The following FAM131B variants were observed in gnomAD, a reference collection of about 807,000 sequenced individuals.
The protein encoded by FAM131B is protein FAM131B.
In FAM131B, 19 loss-of-function variants were observed where a neutral mutation model predicts 42.0. That is an observed-to-expected ratio of 0.45 (90% CI 0.32 to 0.66). The LOEUF is 0.66. Ranked by LOEUF, FAM131B falls within the 30% of genes least tolerant of loss-of-function variation. FAM131B has a pLI of 0.05. For missense variants in FAM131B, 370 were observed against 468.4 expected, an observed-to-expected ratio of 0.79 and a Z score of 1.94; for synonymous variants, 183 against 177.6, an observed-to-expected ratio of 1.03 and a Z score of -0.24.
At chr7:143,363,225 T>A (rs1434410554), upstream of FAM131B, among the ~76,000 whole-genome samples, 1 of 152,190 alleles carries the variant, frequency 6.6e-6, no homozygotes, top group Non-Finnish European at 1.5e-5. Context: ...CTCTGTTGTT[T>A]CGAGTGCGCT....
Position 143,354,578 on chromosome 7 carries a change from G to C in FAM131B, c.*1972C>G, listed in dbSNP as rs763388628. ...GGAGACGGGTGGGGAATAGCTGCCA[G>C]GGCGGGCATGCTAGACCACCTCTCA... On this transcript the variant is annotated 3_prime_UTR_variant, in exon 7 of 7. Coordinates refer to ENST00000443739, the MANE Select transcript of FAM131B (RefSeq NM_001031690.3). 1 of 152,214 alleles carries C rather than the reference G, an allele frequency of 6.6e-6. No homozygotes were observed. Among genetic ancestry groups the C allele is most frequent in the Non-Finnish European group, 1.5e-5 (1 of 68,072 alleles). The allele number at this position is 152,214 out of a possible 1,614,324, so 9.4% of individuals were successfully genotyped here. A position where few individuals can be genotyped will look rare whatever the true frequency, so the allele number is the denominator to read the frequency against.
At chr7:143,381,455 G>A in the FAM131B span, 1 of 1,298,268 alleles carries the variant, frequency 7.7e-7, no homozygotes, top group East Asian at 3.2e-5. Flanking sequence ...GAGGGGGCGC[G>A]GGGCGCCGGG....
At chr7:143,375,067 C>T in the FAM131B span, among the ~76,000 whole-genome samples, 1 of 152,222 alleles carries the variant, frequency 6.6e-6, no homozygotes, top group Non-Finnish European at 1.5e-5. Context: ...GTCCCCAGCA[C>T]CTAACAAACT....
At chr7:143,381,638 CAGA>C in the FAM131B span, 18 of 1,612,408 alleles carry the variant, frequency 1.1e-5, no homozygotes, top group East Asian at 1.6e-4. Context: ...TTACGCCCCG[CAGA>C]AGAAGTTCGG....
upstream of FAM131B, among the ~76,000 whole-genome samples, chr7:143,366,538 T>A (rs1804184531): frequency 6.6e-6 from 1 of 151,348 alleles, no homozygotes; most frequent in Admixed American, 6.6e-5. Context: ...ATCACGAGGG[T>A]CAGTAACAAA....
chr7:143,380,958 A>T, the FAM131B span: 1 of 316,158 alleles, frequency 3.2e-6, no homozygotes, highest in Non-Finnish European at 4.6e-6. This position sits in a 1 kb window ranked among gnomAD's most constrained non-coding sequence, Gnocchi z 5.0. Context: ...CACCCGCCCC[A>T]CCTCCGCCGG....
In FAM131B at chr7:143,359,475, TA is replaced by T. The variant is rs762609422; in HGVS notation, c.175-57del. 1 of 1,363,460 alleles carries T rather than the reference TA, an allele frequency of 7.3e-7. No homozygotes were observed. The highest frequency in any genetic ancestry group is 1.0e-6 in the Non-Finnish European group (1 of 959,564). 84.5% of individuals were successfully genotyped at this position (1,363,460 alleles called of 1,614,324 possible). On this transcript the variant is annotated intron_variant, in intron 3 of 6. Coordinates refer to ENST00000443739, the MANE Select transcript of FAM131B (RefSeq NM_001031690.3). This position sits in a 1 kb window ranked among gnomAD's most constrained non-coding sequence, Gnocchi z 5.4. ...GGAATAAGAAGGTACGGGCGTGCTT[TA>T]TACATGGAGGAGGTTCATGGTTTCC...
At position 143,362,287 on chromosome 7, in the gene FAM131B, G is replaced by C. The variant is rs931688050; in HGVS notation, c.28+289C>G. On this transcript the variant is annotated intron_variant, in intron 1 of 6. Transcript: ENST00000443739. This position sits in a 1 kb window ranked among gnomAD's most constrained non-coding sequence, Gnocchi z 7.7. The stretch of plus-strand genomic sequence containing the variant: ...GAGGGGACCGAGCGTCGGGCCGAGA[G>C]GCAGAGGAGAGGAGGGCGATGGAGA... Among the ~76,000 whole-genome samples the C allele has an allele frequency of 2.6e-5, 4 of 152,152 alleles. No individual in the cohort carries two copies. Among genetic ancestry groups the C allele is most frequent in the Non-Finnish European group, 5.9e-5 (4 of 68,026 alleles).
In FAM131B at chr7:143,356,469, G is replaced by A; in HGVS notation, c.*81C>T. 1.9e-6 allele frequency: 2 copies of A among 1,060,704 alleles called. No individual in the cohort carries two copies. The highest frequency in any genetic ancestry group is 1.4e-5 in the South Asian group (1 of 71,258). The allele number at this position is 1,060,704 out of a possible 1,614,324, so 65.7% of individuals were successfully genotyped here. ...CAATGTTGTCTGCCCAGTTTCAGCT[G>A]TACTGCTGGGGGGAGGGAGGGTATG... On this transcript the variant is annotated 3_prime_UTR_variant, in exon 7 of 7. Coordinates refer to ENST00000443739, the MANE Select transcript of FAM131B (RefSeq NM_001031690.3). This position sits in a 1 kb window ranked among gnomAD's most constrained non-coding sequence, Gnocchi z 4.4.
rs1338221040 is a variant in FAM131B at position 143,360,434 on chromosome 7, C to T, written c.29-285G>A. The T allele has an allele frequency of 9.5e-6, 12 of 1,265,912 alleles. No individual in the cohort carries two copies. In the East Asian group the frequency reaches 1.2e-4, roughly 13 times the overall value. 78.4% of individuals were successfully genotyped at this position (1,265,912 alleles called of 1,614,324 possible). A position where few individuals can be genotyped will look rare whatever the true frequency, so the allele number is the denominator to read the frequency against. The stretch of plus-strand genomic sequence containing the variant: ...GGTTTTATCAGAAAACCAATTATTC[C>T]GTCCTGAGGACTCTTGGAGGGTTTC... On this transcript the variant is annotated intron_variant, in intron 1 of 6. Transcript: ENST00000443739.
At chr7:143,381,769 GC>G in the FAM131B span, 1 of 1,574,778 alleles carries the variant, frequency 6.4e-7, no homozygotes, top group Non-Finnish European at 8.6e-7. Context: ...TTCCCCCGCC[GC>G]CCCCGGAAGG....
At chr7:143,364,211 T>C (rs1326945596), upstream of FAM131B, 1 of 151,172 alleles carries the variant, frequency 6.6e-6, no homozygotes, top group South Asian at 2.1e-4. Context: ...ATTGGTTATA[T>C]AAAAGAAGTA....
At chr7:143,379,519 A>T in the FAM131B span, among the ~76,000 whole-genome samples, 32 of 152,340 alleles carry the variant, frequency 2.1e-4, no homozygotes, top group East Asian at 6.0e-3. Context: ...ATAATTAAAG[A>T]CTTAATAAGG....
At chr7:143,380,119 G>A in the FAM131B span, 2 of 985,304 alleles carry the variant, frequency 2.0e-6, no homozygotes, top group Non-Finnish European at 1.2e-6. This position sits in a 1 kb window ranked among gnomAD's most constrained non-coding sequence, Gnocchi z 5.0. Flanking sequence ...GCTGACAAGA[G>A]GAGAGAAAAT....
the FAM131B span, among the ~76,000 whole-genome samples, chr7:143,376,168 G>A: frequency 2.0e-5 from 3 of 152,142 alleles, no homozygotes; most frequent in Admixed American, 2.0e-4. Flanking sequence ...CTGATCCGGT[G>A]GGATAATAAT....
the FAM131B span, among the ~76,000 whole-genome samples, chr7:143,379,514 T>C: frequency 2.2e-4 from 34 of 152,228 alleles, no homozygotes; most frequent in Non-Finnish European, 4.4e-4. Flanking sequence ...TAGGTATAAT[T>C]AAAGACTTAA....
the FAM131B span, chr7:143,380,603 G>T: frequency 1.1e-4 from 111 of 985,484 alleles, no homozygotes; most frequent in African/African-American, 1.8e-3. This position sits in a 1 kb window ranked among gnomAD's most constrained non-coding sequence, Gnocchi z 5.0. Context: ...GGTCCCTCTC[G>T]CAACCGATCT....
intron 1 of FAM131B, 38 bp from the exon 2 acceptor site, chr7:143,360,187 CCCTGTG>C: frequency 6.4e-7 from 1 of 1,568,070 alleles, no homozygotes; most frequent in Non-Finnish European, 8.7e-7. Context: ...GCCCTCACCT[CCCTGTG>C]CAGCCGAGGC....
chr7:143,371,613 C>CAAAAAAAAAAAAAAAAAA, the FAM131B span, among the ~76,000 whole-genome samples: 2 of 75,022 alleles, frequency 2.7e-5, no homozygotes, highest in African/African-American at 1.0e-4. Context: ...GACCCTGTCT[C>CAAAAAAAAAAAAAAAAAA]AAAAAAAAAA....
Sources: gnomAD v4.1 joint callset for allele counts (sites outside exome capture counted in the v4.1 genomes callset) on GRCh38, gnomAD v4.1.1 for gene constraint, Gnocchi (gnomAD v3.1) non-coding constraint, MANE v1.5 for transcripts, NCBI Gene and HGNC (gene_info 2026-07-23, HGNC 2026-07-21) for gene names.